Variants in CTNND2 observed in about 807,000 individuals in gnomAD.
CTNND2 encodes the protein catenin delta-2.
In CTNND2, 22 loss-of-function variants were observed where a neutral mutation model predicts 144.4. The observed-to-expected ratio is 0.15, with a 90% CI of 0.11 to 0.22. The LOEUF is 0.22. Ranked by LOEUF, CTNND2 falls within the 10% of genes least tolerant of loss-of-function variation. The probability of loss-of-function intolerance (pLI) is 1.00; values close to 1 mark genes in which losing one functional copy is unlikely to be tolerated. For synonymous variants in CTNND2, 751 were observed against 695.6 expected, an observed-to-expected ratio of 1.08 and a Z score of -1.25; for missense variants, 1,353 against 1,618.8, an observed-to-expected ratio of 0.84 and a Z score of 2.82.
intron 2 of CTNND2, among the ~76,000 whole-genome samples, chr5:11,574,199 C>T (rs939266399): frequency 3.3e-5 from 5 of 152,054 alleles, no homozygotes; most frequent in African/African-American, 1.2e-4. Flanking sequence ...GACTATTCTA[C>T]TTATGATAAC....
chr5:11,724,160 T>C (rs950306868), intron 2 of CTNND2, among the ~76,000 whole-genome samples: 4 of 149,076 alleles, frequency 2.7e-5, no homozygotes, highest in African/African-American at 7.3e-5. Context: ...CAGTTGACTA[T>C]AGTTAACTAT....
intron 10 of CTNND2, among the ~76,000 whole-genome samples, chr5:11,223,296 T>C (rs1580631635): frequency 6.6e-6 from 1 of 152,326 alleles, no homozygotes; most frequent in East Asian, 1.9e-4. Flanking sequence ...AATACAGTCC[T>C]TGCTCAAAGT....
Position 11,229,645 on chromosome 5 carries a change from CGTGT to C in CTNND2, c.1761+7042_1761+7045del, listed in dbSNP as rs34293828. ...TATTACCTTGAATGCAGCCATATTG[CGTGT>C]GTGTGTGTGTGTGTGTGTGTGTGTA... On this transcript the variant is annotated intron_variant, in intron 10 of 21. Transcript: ENST00000304623. Among the ~76,000 whole-genome samples the C allele has an allele frequency of 7.9e-3, 1,136 of 143,450 alleles. 7 individuals are homozygous for C. Among genetic ancestry groups the C allele is most frequent in the African/African-American group, 0.021 (825 of 39,090 alleles). 94.1% of individuals were successfully genotyped at this position (143,450 alleles called of 152,430 possible).
chr5:11,361,995 C>A (rs1366034466), intron 8 of CTNND2, among the ~76,000 whole-genome samples: 1 of 152,144 alleles, frequency 6.6e-6, no homozygotes, highest in Admixed American at 6.6e-5. Context: ...ACCAGTTGCT[C>A]GGGTGCCCTC....
intron 3 of CTNND2, among the ~76,000 whole-genome samples, chr5:11,562,121 C>T (rs1776731752): frequency 6.6e-6 from 1 of 151,948 alleles, no homozygotes; most frequent in African/African-American, 2.4e-5. Context: ...CAGAGTAAAA[C>T]TGAAGTATAT....
At chr5:11,688,330 G>A (rs1278781270) in intron 2 of CTNND2, among the ~76,000 whole-genome samples, 4 of 152,090 alleles carry the variant, frequency 2.6e-5, no homozygotes, top group Non-Finnish European at 5.9e-5. Context: ...CCAGCACTCT[G>A]TGGGTTACTC....
chr5:11,589,635 C>A (rs1779107778), intron 2 of CTNND2, among the ~76,000 whole-genome samples: 2 of 152,100 alleles, frequency 1.3e-5, no homozygotes, highest in African/African-American at 2.4e-5. Context: ...CCATCCCCAC[C>A]CACTCCTAGC....
chr5:11,288,185 T>C (rs1315209447), intron 9 of CTNND2, among the ~76,000 whole-genome samples: 1 of 152,164 alleles, frequency 6.6e-6, no homozygotes, highest in Non-Finnish European at 1.5e-5. Flanking sequence ...GGGAGACGCC[T>C]GCTATATATT....
At chr5:11,706,900 G>A (rs954528149) in intron 2 of CTNND2, among the ~76,000 whole-genome samples, 2 of 151,836 alleles carry the variant, frequency 1.3e-5, no homozygotes, top group South Asian at 2.1e-4. Context: ...CCTGGCTAAC[G>A]CGGTGAAACC....
chr5:11,424,145 A>C (rs1051137957), intron 3 of CTNND2, among the ~76,000 whole-genome samples: 2 of 152,218 alleles, frequency 1.3e-5, no homozygotes, highest in African/African-American at 4.8e-5. Context: ...CAAAAACTAC[A>C]AGTAACAAAT....
At chr5:11,097,478 G>T (rs1210032829) in intron 15 of CTNND2, among the ~76,000 whole-genome samples, 1 of 152,202 alleles carries the variant, frequency 6.6e-6, no homozygotes, top group Admixed American at 6.5e-5. Flanking sequence ...GCAGCGGCTA[G>T]CTCTGTAGGA....
chr5:11,111,160 C>G (rs1401944119), intron 13 of CTNND2, 117 bp from the exon 14 acceptor site: 1 of 1,108,084 alleles, frequency 9.0e-7, no homozygotes, highest in African/African-American at 1.6e-5. Context: ...AAGTGTTTAG[C>G]TGCCAGCTTC....
chr5:11,897,268 G>C (rs1737469079), intron 1 of CTNND2, among the ~76,000 whole-genome samples: 1 of 152,154 alleles, frequency 6.6e-6, no homozygotes, highest in Non-Finnish European at 1.5e-5. Context: ...TCTAATATTT[G>C]AAAGTCCAAA....
chr5:11,117,402 G>T, intron 13 of CTNND2, 48 bp downstream of exon 13: 1 of 1,417,466 alleles, frequency 7.1e-7, no homozygotes, highest in Non-Finnish European at 1.0e-6. Flanking sequence ...TGAGTCCCGT[G>T]GGAGTCTTTA....
intron 1 of CTNND2, among the ~76,000 whole-genome samples, chr5:11,815,836 C>G (rs534845908): frequency 2.0e-5 from 3 of 152,132 alleles, no homozygotes; most frequent in Non-Finnish European, 4.4e-5. Flanking sequence ...TCAGACACCC[C>G]CAAGACTTGC....
chr5:11,205,328 T>C (rs1033800423), intron 10 of CTNND2, among the ~76,000 whole-genome samples: 5 of 152,190 alleles, frequency 3.3e-5, no homozygotes, highest in African/African-American at 4.8e-5. Flanking sequence ...AACTGGTTTA[T>C]AGAAAGAGCT....
intron 2 of CTNND2, among the ~76,000 whole-genome samples, chr5:11,623,882 A>C (rs998706355): frequency 6.3e-5 from 9 of 141,920 alleles, no homozygotes; most frequent in African/African-American, 2.4e-4. Flanking sequence ...CCAGATTCAT[A>C]AAAGCAAGTT....
intron 3 of CTNND2, among the ~76,000 whole-genome samples, chr5:11,519,712 T>A (rs1438355927): frequency 1.3e-5 from 2 of 152,050 alleles, no homozygotes. Context: ...AGATAGGAAG[T>A]GTTTTCTAAG....
chr5:11,717,587 A>G (rs1490815605), intron 2 of CTNND2, among the ~76,000 whole-genome samples: 2 of 152,016 alleles, frequency 1.3e-5, no homozygotes, highest in African/African-American at 4.8e-5. Flanking sequence ...AAAAAAAAAA[A>G]AAAGATGTGC....
Sources: gnomAD v4.1 joint callset for allele counts (sites outside exome capture counted in the v4.1 genomes callset) on GRCh38, gnomAD v4.1.1 for gene constraint, MANE v1.5 for transcripts, NCBI Gene and HGNC (gene_info 2026-07-23, HGNC 2026-07-21) for gene names.